Variants in MEF2A observed in about 807,000 individuals in gnomAD.
The protein encoded by MEF2A is myocyte enhancer factor 2A.
Under a neutral mutation model 55.8 loss-of-function variants are expected in MEF2A, and 28 were observed. The ratio of observed to expected loss-of-function variants is 0.50; its 90% confidence interval spans 0.37 to 0.69. The LOEUF (loss-of-function observed/expected upper bound fraction) is 0.69. Ranked by LOEUF, MEF2A falls within the 30% of genes least tolerant of loss-of-function variation. The probability of loss-of-function intolerance (pLI) is 0.00; values close to 1 mark genes in which losing one functional copy is unlikely to be tolerated. For missense variants in MEF2A, 528 were observed against 626.2 expected (o/e 0.84, Z 1.67); for synonymous variants, 239 against 227.1 (o/e 1.05, Z -0.47).
chr15:99,605,337 TTTAATTCCATCTGCAACC>T (rs1398760050), intron 2 of MEF2A, among the ~76,000 whole-genome samples: 1 of 152,224 alleles, frequency 6.6e-6, no homozygotes, highest in Non-Finnish European at 1.5e-5. Context: ...GATTACCAAC[TTTAATTCCATCTGCAACC>T]TTAATTCTCC....
intron 4 of MEF2A, among the ~76,000 whole-genome samples, chr15:99,646,390 C>T (rs1280081385): frequency 6.6e-6 from 1 of 152,100 alleles, no homozygotes; most frequent in Non-Finnish European, 1.5e-5. Context: ...TTTTTATCTT[C>T]TCTCTTTCAA....
At chr15:99,609,803 A>G (rs1976486104) in intron 2 of MEF2A, among the ~76,000 whole-genome samples, 1 of 152,174 alleles carries the variant, frequency 6.6e-6, no homozygotes, top group Non-Finnish European at 1.5e-5. Context: ...ATTCTCCTCA[A>G]GCTTGACAAA....
intron 1 of MEF2A, among the ~76,000 whole-genome samples, chr15:99,573,286 C>CAAAAA (rs66573508): frequency 3.5e-5 from 3 of 86,626 alleles, no homozygotes; most frequent in African/African-American, 4.8e-5. Flanking sequence ...GACTCCGTCT[C>CAAAAA]AAAAAAAAAA....
chr15:99,652,581 A>C (rs1021774209), intron 4 of MEF2A, among the ~76,000 whole-genome samples: 1 of 152,188 alleles, frequency 6.6e-6, no homozygotes, highest in African/African-American at 2.4e-5. Flanking sequence ...AAATCAGCCA[A>C]GTGTCACTGT....
chr15:99,624,095 G>T (rs2041693283), intron 2 of MEF2A, among the ~76,000 whole-genome samples: 1 of 152,102 alleles, frequency 6.6e-6, no homozygotes, highest in Non-Finnish European at 1.5e-5. Context: ...CATGAGCATG[G>T]CGCCCGGCCG....
Position 99,583,044 on chromosome 15 carries a change from A to G in MEF2A, c.-224-15386A>G, listed in dbSNP as rs1966390634. 2.6e-5 allele frequency among the ~76,000 whole-genome samples: 4 copies of G among 152,120 alleles called. No homozygotes were observed. The South Asian group carries it at 8.3e-4, about 31-fold the overall frequency. On this transcript the variant is annotated intron_variant, in intron 1 of 11. Transcript: ENST00000557942. ...TTTTTCTTTTAAGATTCAAACTAAT[A>G]CTTTAGGAGTGTCACGTTACTTGTA...
At chr15:99,635,010 A>C in intron 3 of MEF2A, among the ~76,000 whole-genome samples, 1 of 152,224 alleles carries the variant, frequency 6.6e-6, no homozygotes, top group East Asian at 1.9e-4. Flanking sequence ...TTCTTCATGA[A>C]AGGGAGAAAA....
intron 2 of MEF2A, among the ~76,000 whole-genome samples, chr15:99,616,713 A>G (rs2040245065): frequency 6.6e-6 from 1 of 152,080 alleles, no homozygotes. Context: ...TGTGCCTTCC[A>G]CTTTTTTACT....
chr15:99,629,539 G>A (rs145509766), intron 2 of MEF2A, among the ~76,000 whole-genome samples: 218 of 152,284 alleles, frequency 1.4e-3, no homozygotes, highest in Non-Finnish European at 2.5e-3. Context: ...GGGAAGGGGT[G>A]TCTGTAATGA....
chr15:99,712,793 A>C lies in MEF2A; in HGVS notation c.*22A>C. 7 of 1,548,266 alleles carry C rather than the reference A, an allele frequency of 4.5e-6. No individual in the cohort carries two copies. Among genetic ancestry groups the C allele is most frequent in the Non-Finnish European group, 6.1e-6 (7 of 1,144,172 alleles). ...CTAAGGCTTCCAAGCTGATGTTTGT[A>C]CTTTTGTGTTACTGCAGTGACCTGC... On this transcript the variant is annotated 3_prime_UTR_variant, in exon 12 of 12. Coordinates refer to ENST00000557942, the MANE Select transcript of MEF2A (RefSeq NM_001319206.4). The surrounding 1 kb of genome is among the most constrained non-coding windows in gnomAD (Gnocchi z 4.1).
At chr15:99,641,902 G>C (rs2045051110) in intron 3 of MEF2A, among the ~76,000 whole-genome samples, 1 of 152,146 alleles carries the variant, frequency 6.6e-6, no homozygotes, top group South Asian at 2.1e-4. Context: ...CCACACAGTA[G>C]CTTTGTTTTA....
At chr15:99,681,175 T>C (rs542773540) in intron 7 of MEF2A, among the ~76,000 whole-genome samples, 30 of 152,302 alleles carry the variant, frequency 2.0e-4, no homozygotes, top group African/African-American at 6.3e-4. Context: ...AAAAAACATA[T>C]ATGGTACTAG....
rs114562111 is a variant in MEF2A, at chr15:99,578,072, A to C, written c.-225+11968A>C. On this transcript the variant is annotated intron_variant, in intron 1 of 11. Transcript: ENST00000557942. ...AGTTGATAAATATTTTGGGGGAGAT[A>C]CTTTGAGATTATGCTAATTTCTGTT... 6.7e-3 allele frequency among the ~76,000 whole-genome samples: 1,026 copies of C among 152,256 alleles called. 11 individuals are homozygous for C. The highest frequency in any genetic ancestry group is 0.023 in the African/African-American group (976 of 41,542).
At chr15:99,579,125 A>G (rs1462312030) in intron 1 of MEF2A, among the ~76,000 whole-genome samples, 1 of 152,070 alleles carries the variant, frequency 6.6e-6, no homozygotes, top group Non-Finnish European at 1.5e-5. Flanking sequence ...TTTCTGTACT[A>G]ATGTTGTATT....
chr15:99,625,687 G>A (rs571387505), intron 2 of MEF2A, among the ~76,000 whole-genome samples: 1 of 151,952 alleles, frequency 6.6e-6, no homozygotes, highest in Non-Finnish European at 1.5e-5. Context: ...TATCATAAAG[G>A]GTGTTGTATT....
chr15:99,699,452 CTG>C (rs926735169), intron 8 of MEF2A, among the ~76,000 whole-genome samples: 2 of 152,118 alleles, frequency 1.3e-5, no homozygotes, highest in Admixed American at 6.5e-5. Flanking sequence ...TGGAACTAAT[CTG>C]TGTGATGCTG....
intron 4 of MEF2A, among the ~76,000 whole-genome samples, chr15:99,649,987 A>T (rs2046576905): frequency 6.6e-6 from 1 of 152,172 alleles, no homozygotes; most frequent in Non-Finnish European, 1.5e-5. Context: ...TTTGTATGGC[A>T]ATTCAGATTA....
intron 7 of MEF2A, among the ~76,000 whole-genome samples, chr15:99,676,020 A>G (rs1039845585): frequency 6.6e-6 from 1 of 151,942 alleles, no homozygotes; most frequent in Non-Finnish European, 1.5e-5. Flanking sequence ...AGCCTGGGCG[A>G]TAGAGTGAGA....
intron 5 of MEF2A, among the ~76,000 whole-genome samples, chr15:99,673,020 G>A (rs956985714): frequency 6.6e-6 from 1 of 152,088 alleles, no homozygotes; most frequent in Non-Finnish European, 1.5e-5. Flanking sequence ...AGGGAATCTG[G>A]GTGTGCACAG....
Sources: allele counts gnomAD v4.1 joint callset (sites outside exome capture counted in the v4.1 genomes callset), GRCh38; gene constraint gnomAD v4.1.1; non-coding constraint Gnocchi (gnomAD v3.1); transcripts MANE v1.5; gene names NCBI Gene and HGNC (gene_info 2026-07-23, HGNC 2026-07-21).